PATJ: variants seen among roughly 807,000 people sequenced by gnomAD.
The protein encoded by PATJ is PATJ crumbs cell polarity complex component.
In PATJ, 190 loss-of-function variants were observed where a neutral mutation model predicts 224.9. The ratio of observed to expected loss-of-function variants is 0.84; its 90% CI spans 0.75 to 0.95. The LOEUF (loss-of-function observed/expected upper bound fraction) is 0.95, where lower values mean the gene tolerates loss of function less well. Ranked by LOEUF, PATJ falls within the 40% of genes least tolerant of loss-of-function variation. PATJ has a pLI of 0.00. For missense variants in PATJ, 2,121 were observed against 2,270.3 expected (o/e 0.93, Z 1.34); for synonymous variants, 769 against 820.3 (o/e 0.94, Z 1.07).
chr1:61,910,554 T>TTTTTC (rs1672478879), intron 25 of PATJ, among the ~76,000 whole-genome samples: 1 of 136,790 alleles, frequency 7.3e-6, no homozygotes, highest in Admixed American at 7.5e-5. Context: ...TTTTTTTTTT[T>TTTTTC]TTTTTTTTTT....
chr1:62,117,063 C>T, intron 36 of PATJ, 69 bp from the exon 37 acceptor site: 1 of 1,276,762 alleles, frequency 7.8e-7, no homozygotes, highest in Non-Finnish European at 1.1e-6. Flanking sequence ...CAGGGAGAGG[C>T]TCTGTTAAGA....
At chr1:61,783,602 A>T (rs1215048974) in intron 7 of PATJ, among the ~76,000 whole-genome samples, 1 of 151,078 alleles carries the variant, frequency 6.6e-6, no homozygotes, top group African/African-American at 2.4e-5. Flanking sequence ...TTTTTGAAGA[A>T]ACAAATTTGA....
intron 27 of PATJ, among the ~76,000 whole-genome samples, chr1:61,974,387 A>ATCTCTC (rs1553227611): frequency 1.2e-4 from 15 of 128,038 alleles, no homozygotes; most frequent in African/African-American, 4.2e-4. Flanking sequence ...AGATACCCCC[A>ATCTCTC]TCTCTCTCTC....
intron 4 of PATJ, 147 bp downstream of exon 4, chr1:61,766,620 C>T: frequency 1.9e-6 from 1 of 515,254 alleles, no homozygotes; most frequent in Non-Finnish European, 3.3e-6. Flanking sequence ...GAGAAACTGA[C>T]ACCATTTTCT....
intron 9 of PATJ, among the ~76,000 whole-genome samples, chr1:61,795,017 T>G (rs182601396): frequency 1.3e-5 from 2 of 151,132 alleles, no homozygotes; most frequent in East Asian, 3.9e-4. Context: ...ATAGTTTTCT[T>G]ATTTCTGTGT....
At position 61,799,711 on chromosome 1, in the gene PATJ, C is replaced by T. The variant is rs999204224; in HGVS notation, c.1403-1912C>T. On this transcript the variant is annotated intron_variant, in intron 11 of 43. Transcript: ENST00000642238. ...TTTTCAACCCTCACCCCCGCTCCAC[C>T]AGCCTCCTTCATCCTGGGATCCCCA... Among the ~76,000 whole-genome samples the T allele has an allele frequency of 1.1e-4, 17 of 152,178 alleles. No individual in the cohort carries two copies. In the East Asian group the frequency reaches 2.9e-3, roughly 26 times the overall value.
At chr1:62,088,018 A>C (rs562283119) in intron 33 of PATJ, among the ~76,000 whole-genome samples, 3 of 112,096 alleles carry the variant, frequency 2.7e-5, no homozygotes, top group Non-Finnish European at 6.3e-5. Flanking sequence ...CAGCCTCCTG[A>C]GTAGCTGGGA....
chr1:61,959,129 C>T (rs1209544764), intron 27 of PATJ, among the ~76,000 whole-genome samples: 2 of 151,970 alleles, frequency 1.3e-5, no homozygotes, highest in African/African-American at 2.4e-5. Flanking sequence ...GTAAAAACAG[C>T]ACTGTTCCAA....
chr1:62,078,687 C>T (rs1256686689), intron 31 of PATJ: 3 of 152,378 alleles, frequency 2.0e-5, no homozygotes, highest in African/African-American at 7.3e-5. Context: ...GTCCCTGTAC[C>T]TTCACTGAAT....
intron 43 of PATJ, among the ~76,000 whole-genome samples, chr1:62,156,945 A>G (rs780003237): frequency 6.6e-6 from 1 of 151,954 alleles, no homozygotes; most frequent in African/African-American, 2.4e-5. Flanking sequence ...GAAACTTAGG[A>G]TACCAAAAAG....
chr1:61,924,137 G>A (rs545151369), intron 26 of PATJ, among the ~76,000 whole-genome samples: 2 of 152,148 alleles, frequency 1.3e-5, no homozygotes, highest in East Asian at 3.9e-4. Context: ...TTGGGAGGCC[G>A]AGGCAGGAAG....
At chr1:62,155,106 C>T (rs1270333339) in intron 43 of PATJ, among the ~76,000 whole-genome samples, 1 of 152,162 alleles carries the variant, frequency 6.6e-6, no homozygotes, top group Non-Finnish European at 1.5e-5. Flanking sequence ...CATTATTATA[C>T]TTTGCTTTTG....
intron 30 of PATJ, among the ~76,000 whole-genome samples, chr1:62,042,967 G>A (rs1651801357): frequency 6.6e-6 from 1 of 152,154 alleles, no homozygotes; most frequent in Admixed American, 6.5e-5. Flanking sequence ...CTTATTATGT[G>A]TCAATGTTCT....
intron 16 of PATJ, among the ~76,000 whole-genome samples, chr1:61,828,258 A>G (rs116482077): frequency 0.06 from 9,158 of 151,726 alleles, 421 homozygotes; most frequent in Middle Eastern, 0.14. Flanking sequence ...AAAAAAAAAA[A>G]GAAACTCTAT....
At chr1:62,004,515 G>A in intron 28 of PATJ, among the ~76,000 whole-genome samples, 1 of 152,052 alleles carries the variant, frequency 6.6e-6, no homozygotes, top group East Asian at 1.9e-4. Context: ...TACCCTTAGG[G>A]AATGTTTTTA....
intron 20 of PATJ, among the ~76,000 whole-genome samples, chr1:61,866,642 C>G (rs1363399933): frequency 6.6e-6 from 1 of 151,928 alleles, no homozygotes; most frequent in Non-Finnish European, 1.5e-5. Flanking sequence ...AAAAAAAAAT[C>G]CCTCTTATAA....
rs1417916384 is a variant in PATJ, at chr1:62,162,221, C to G, written c.*1167C>G. 2.0e-5 allele frequency: 3 copies of G among 152,300 alleles called. No individual in the cohort carries two copies. The highest frequency in any genetic ancestry group is 3.4e-3 in the Middle Eastern group (1 of 294). The allele number at this position is 152,300 out of a possible 1,614,324, so 9.4% of individuals were successfully genotyped here. A position where few individuals can be genotyped will look rare whatever the true frequency, so the allele number is the denominator to read the frequency against. On this transcript the variant is annotated 3_prime_UTR_variant, in exon 44 of 44. Transcript: ENST00000642238. ...GCATTTCAGTTGGCAGGCATCATTC[C>G]CACCCCTCGGTCTTAGGAAAAGGAG...
At chr1:61,812,452 G>C (rs1407255071) in intron 14 of PATJ, among the ~76,000 whole-genome samples, 1 of 151,386 alleles carries the variant, frequency 6.6e-6, no homozygotes, top group East Asian at 2.0e-4. Flanking sequence ...GTGTGTGTGT[G>C]TGTGTGTGTG....
chr1:61,769,104 T>C (rs1646458396), intron 4 of PATJ, among the ~76,000 whole-genome samples, 179 bp from the exon 5 acceptor site: 1 of 152,216 alleles, frequency 6.6e-6, no homozygotes, highest in African/African-American at 2.4e-5. Context: ...ACACTCTCTC[T>C]TACGTTCTAC....
Sources: allele counts gnomAD v4.1 joint callset (sites outside exome capture counted in the v4.1 genomes callset), GRCh38; gene constraint gnomAD v4.1.1; transcripts MANE v1.5; gene names NCBI Gene and HGNC (gene_info 2026-07-23, HGNC 2026-07-21).